Variants in STPG2 observed in about 807,000 individuals in gnomAD.
The protein encoded by STPG2 is sperm tail PG-rich repeat containing 2, also known as sperm-tail PG-rich repeat-containing protein 2.
STPG2 carries 56 observed loss-of-function variants against 54.2 expected under a neutral mutation model. That is an observed-to-expected ratio of 1.03 (90% CI 0.83 to 1.29). STPG2 has a LOEUF of 1.29. Ranked by LOEUF, STPG2 falls within the 50% of genes most tolerant of loss-of-function variation. The pLI, the probability that STPG2 is intolerant of heterozygous loss-of-function variation, is 0.00. For synonymous variants in STPG2, 200 were observed against 181.8 expected, an observed-to-expected ratio of 1.10 and a Z score of -0.81; for missense variants, 596 against 544.9, an observed-to-expected ratio of 1.09 and a Z score of -0.93.
intron 5 of STPG2, among the ~76,000 whole-genome samples, chr4:98,099,065 A>G (rs1194688276): frequency 6.6e-6 from 1 of 152,160 alleles, no homozygotes; most frequent in Non-Finnish European, 1.5e-5. Flanking sequence ...CCTCAAAAAA[A>G]AAACTAAAAA....
At chr4:97,907,603 C>T (rs2149195553) in intron 8 of STPG2, among the ~76,000 whole-genome samples, 1 of 152,184 alleles carries the variant, frequency 6.6e-6, no homozygotes, top group African/African-American at 2.4e-5. Flanking sequence ...CATCATGCTA[C>T]CTGACTTCAA....
chr4:98,136,433 AAC>A (rs10553555), intron 1 of STPG2, among the ~76,000 whole-genome samples: 47,535 of 151,294 alleles, frequency 0.31, 7,606 homozygotes, highest in Middle Eastern at 0.35. Context: ...AAAATTACCT[AAC>A]ACAAAGACTA....
At chr4:97,567,970 G>C (rs1732498763) in intron 10 of STPG2, among the ~76,000 whole-genome samples, 2 of 152,138 alleles carry the variant, frequency 1.3e-5, no homozygotes, top group African/African-American at 2.4e-5. Flanking sequence ...AGGTTGGAGT[G>C]AATACAGTTT....
intron 10 of STPG2, among the ~76,000 whole-genome samples, chr4:97,612,867 G>A (rs1397214148): frequency 6.6e-6 from 1 of 151,856 alleles, no homozygotes; most frequent in Non-Finnish European, 1.5e-5. Context: ...ATGAGCCTTA[G>A]GACAATGAGT....
intron 10 of STPG2, among the ~76,000 whole-genome samples, chr4:97,608,909 C>G (rs1435174230): frequency 6.6e-6 from 1 of 151,992 alleles, no homozygotes; most frequent in African/African-American, 2.4e-5. Flanking sequence ...ATTCTCAGCT[C>G]CCTGAAATGT....
intron 5 of STPG2, among the ~76,000 whole-genome samples, chr4:98,066,882 A>T (rs2110104025): frequency 6.6e-6 from 1 of 152,308 alleles, no homozygotes; most frequent in Non-Finnish European, 1.5e-5. Flanking sequence ...TATTTCTGAC[A>T]ATCAATATCA....
At chr4:97,829,537 G>A (rs537548421) in intron 9 of STPG2, among the ~76,000 whole-genome samples, 3 of 152,192 alleles carry the variant, frequency 2.0e-5, no homozygotes, top group South Asian at 2.1e-4. Context: ...ATGAATTGAC[G>A]GAAGTACACT....
chr4:97,509,002 T>C (rs1397388660), intron 4 of STPG2, among the ~76,000 whole-genome samples: 2 of 152,130 alleles, frequency 1.3e-5, no homozygotes, highest in Non-Finnish European at 2.9e-5. Context: ...TAATTAACCA[T>C]TTTCCTATTT....
chr4:98,136,415 CGTT>C (rs1740136882), intron 1 of STPG2, among the ~76,000 whole-genome samples: 1 of 147,122 alleles, frequency 6.8e-6, no homozygotes, highest in South Asian at 2.2e-4. Context: ...ATTAGCCTAA[CGTT>C]GGGGAAAATT....
At chr4:97,719,346 T>C (rs747896174) in intron 9 of STPG2, among the ~76,000 whole-genome samples, 28 of 151,904 alleles carry the variant, frequency 1.8e-4, no homozygotes, top group Non-Finnish European at 3.4e-4. Context: ...AACAATCATA[T>C]GCAGCATCAT....
chr4:97,665,690 C>T (rs1474029664), intron 10 of STPG2, among the ~76,000 whole-genome samples: 7 of 152,154 alleles, frequency 4.6e-5, no homozygotes, highest in Non-Finnish European at 1.0e-4. Context: ...GCCTATCTGC[C>T]TCCTGGCACT....
intron 4 of STPG2, among the ~76,000 whole-genome samples, chr4:97,471,564 C>A (rs941017789): frequency 2.6e-5 from 4 of 151,922 alleles, no homozygotes; most frequent in African/African-American, 4.8e-5. Flanking sequence ...TCTGGAGATC[C>A]ATAGATATTC....
At chr4:97,709,962 T>A (rs868107819) in intron 10 of STPG2, among the ~76,000 whole-genome samples, 1 of 151,956 alleles carries the variant, frequency 6.6e-6, no homozygotes, top group Non-Finnish European at 1.5e-5. Flanking sequence ...CATTTATTAA[T>A]ATAGTATTAG....
At chr4:98,087,592 G>A (rs2110122829) in intron 5 of STPG2, among the ~76,000 whole-genome samples, 1 of 144,358 alleles carries the variant, frequency 6.9e-6, no homozygotes, top group Non-Finnish European at 1.5e-5. Context: ...ACGGAGTCTG[G>A]CTCTGTCGCT....
At chr4:97,888,549 A>T (rs557647991) in intron 8 of STPG2, among the ~76,000 whole-genome samples, 160 of 151,758 alleles carry the variant, frequency 1.1e-3, no homozygotes, top group African/African-American at 3.7e-3. Context: ...ACAAAAGGAG[A>T]TTTAGAACAA....
intron 9 of STPG2, among the ~76,000 whole-genome samples, chr4:97,735,756 AT>A (rs1008650787): frequency 2.0e-5 from 3 of 151,832 alleles, no homozygotes; most frequent in Non-Finnish European, 4.4e-5. Flanking sequence ...CCTTATATAT[AT>A]GTGTGTCTGT....
At chr4:97,475,852 G>A (rs913954094) in intron 4 of STPG2, among the ~76,000 whole-genome samples, 1 of 152,004 alleles carries the variant, frequency 6.6e-6, no homozygotes, top group African/African-American at 2.4e-5. Flanking sequence ...GACTTTCCCT[G>A]GCCGCTTATC....
chr4:97,811,392 A>T (rs574530318), intron 9 of STPG2, among the ~76,000 whole-genome samples: 3 of 152,196 alleles, frequency 2.0e-5, no homozygotes, highest in African/African-American at 7.2e-5. Context: ...TTCCTTCATA[A>T]CATGGTTTTA....
intron 4 of STPG2, among the ~76,000 whole-genome samples, chr4:97,455,056 T>C (rs574370228): frequency 6.6e-5 from 10 of 151,754 alleles, no homozygotes; most frequent in Admixed American, 5.2e-4. Flanking sequence ...AACAGATTGA[T>C]AGAAAAAAAA....
Sources: allele counts gnomAD v4.1 joint callset (sites outside exome capture counted in the v4.1 genomes callset), GRCh38; gene constraint gnomAD v4.1.1; transcripts MANE v1.5; gene names NCBI Gene and HGNC (gene_info 2026-07-23, HGNC 2026-07-21).